Variants in AHI1 observed in about 807,000 individuals in gnomAD.
The protein encoded by AHI1 is Abelson helper integration site 1.
AHI1 carries 123 observed loss-of-function variants against 149.3 expected under a neutral mutation model. The observed-to-expected ratio is 0.82, with a 90% confidence interval of 0.71 to 0.96. AHI1 has a LOEUF of 0.96. AHI1 is among the 40% of genes least tolerant of loss of function. The probability of loss-of-function intolerance (pLI) is 0.00; values close to 1 mark genes in which losing one functional copy is unlikely to be tolerated. For missense variants in AHI1, 1,439 were observed against 1,422.7 expected, an observed-to-expected ratio of 1.01 and a Z score of -0.18; for synonymous variants, 475 against 459.8, an observed-to-expected ratio of 1.03 and a Z score of -0.42.
chr6:135,293,697 A>T (rs1300671905), intron 27 of AHI1, among the ~76,000 whole-genome samples: 1 of 152,236 alleles, frequency 6.6e-6, no homozygotes, highest in Non-Finnish European at 1.5e-5. Flanking sequence ...CTATACATTG[A>T]AAACTAAAAA....
At chr6:135,310,494 T>C (rs1236748115) in intron 26 of AHI1, among the ~76,000 whole-genome samples, 1 of 152,212 alleles carries the variant, frequency 6.6e-6, no homozygotes, top group African/African-American at 2.4e-5. Context: ...AGAAAGCAGC[T>C]GTTCCTGAAA....
intron 8 of AHI1, among the ~76,000 whole-genome samples, 167 bp from the exon 9 acceptor site, chr6:135,457,880 ATAC>A (rs2128082209): frequency 6.6e-6 from 1 of 152,332 alleles, no homozygotes; most frequent in South Asian, 2.1e-4. Flanking sequence ...TGAAAGTAAA[ATAC>A]TACATTTGCT....
chr6:135,451,117 C>A (rs747904643), intron 11 of AHI1, among the ~76,000 whole-genome samples: 7 of 152,120 alleles, frequency 4.6e-5, no homozygotes, highest in African/African-American at 7.2e-5. Flanking sequence ...CCCGCTCAGC[C>A]TCCCGAGTAG....
At position 135,394,820 on chromosome 6, in the gene AHI1, A is replaced by G; in HGVS notation, c.3065T>C (p.Leu1022Pro). Residue 1022 changes from leucine to proline, a missense_variant, in exon 23 of 29, where the codon CTG (leucine) becomes CCG (proline). By Grantham distance (98) the Leu-to-Pro change is moderately conservative. Transcript: ENST00000265602. ...QQSKLKQSNMLTAQEILHQFG... is the reference protein window; with the variant it reads ...QQSKLKQSNMPTAQEILHQFG... ...CTGATGTAGAATCTCTTGAGCGGTC[A>G]GCATGTTTGACTGCTTTAACTTAGA... The G allele has an allele frequency of 6.2e-7, 1 of 1,609,294 alleles. No individual in the cohort carries two copies. Among genetic ancestry groups the G allele is most frequent in the African/African-American group, 1.3e-5 (1 of 74,960 alleles).
At chr6:135,494,009 C>T (rs988782964) in intron 3 of AHI1, among the ~76,000 whole-genome samples, 1 of 152,154 alleles carries the variant, frequency 6.6e-6, no homozygotes, top group African/African-American at 2.4e-5. Flanking sequence ...CACCAGTGCG[C>T]TCCAGGTGAT....
intron 23 of AHI1, among the ~76,000 whole-genome samples, chr6:135,376,860 T>C (rs566179810): frequency 1.9e-5 from 2 of 108,058 alleles, no homozygotes; most frequent in South Asian, 6.5e-4. Flanking sequence ...CCAGCCTCGG[T>C]GACAGAGCGA....
chr6:135,358,670 A>G (rs1793377964), intron 23 of AHI1, among the ~76,000 whole-genome samples: 1 of 152,202 alleles, frequency 6.6e-6, no homozygotes, highest in African/African-American at 2.4e-5. Flanking sequence ...TATTTATTCA[A>G]TCACCATGAG....
chr6:135,449,967 G>A (rs992663243), intron 11 of AHI1, among the ~76,000 whole-genome samples: 2 of 152,166 alleles, frequency 1.3e-5, no homozygotes, highest in African/African-American at 4.8e-5. Flanking sequence ...AATTGAAGTG[G>A]CAGAGAGAGT....
chr6:135,360,094 A>G (rs1488604758), intron 23 of AHI1, among the ~76,000 whole-genome samples: 1 of 152,098 alleles, frequency 6.6e-6, no homozygotes, highest in Non-Finnish European at 1.5e-5. Flanking sequence ...AAAGGAATAA[A>G]CTTTAGAAAA....
chr6:135,376,854 C>T (rs560211287), intron 23 of AHI1, among the ~76,000 whole-genome samples: 1 of 118,370 alleles, frequency 8.4e-6, no homozygotes, highest in African/African-American at 3.3e-5. Flanking sequence ...TGCAATCCAG[C>T]CTCGGTGACA....
chr6:135,412,346 T>A (rs1781728367), intron 20 of AHI1, among the ~76,000 whole-genome samples: 1 of 152,186 alleles, frequency 6.6e-6, no homozygotes, highest in African/African-American at 2.4e-5. Flanking sequence ...ATCCATAGAT[T>A]TTTGGTATCC....
chr6:135,380,775 G>A (rs1776654047), intron 23 of AHI1, among the ~76,000 whole-genome samples: 2 of 128,712 alleles, frequency 1.6e-5, no homozygotes, highest in Admixed American at 1.8e-4. Context: ...AAACAAGAAG[G>A]GATTTAATGG....
intron 23 of AHI1, among the ~76,000 whole-genome samples, chr6:135,381,148 G>A (rs1414367041): frequency 6.6e-6 from 1 of 151,774 alleles, no homozygotes; most frequent in African/African-American, 2.4e-5. Context: ...TAAAAAGACT[G>A]AGATAACATT....
chr6:135,441,727 C>T (rs2614273), intron 14 of AHI1, among the ~76,000 whole-genome samples: 119,007 of 152,142 alleles, frequency 0.78, 49,994 homozygotes, highest in Non-Finnish European at 0.91. Context: ...TTCCTAAGAA[C>T]CTTTTTTCCC....
intron 24 of AHI1, among the ~76,000 whole-genome samples, chr6:135,340,326 C>T (rs570152665): frequency 4.4e-4 from 66 of 151,620 alleles, no homozygotes; most frequent in African/African-American, 1.3e-3. Flanking sequence ...AAGCTGAGAT[C>T]GCACCGTGCA....
chr6:135,483,361 A>C (rs1794012280), intron 5 of AHI1, among the ~76,000 whole-genome samples: 1 of 152,228 alleles, frequency 6.6e-6, no homozygotes, highest in African/African-American at 2.4e-5. Context: ...GGAAACCATG[A>C]AGATTTTCTA....
chr6:135,373,079 CT>C (rs1775304859), intron 23 of AHI1, among the ~76,000 whole-genome samples: 1 of 152,230 alleles, frequency 6.6e-6, no homozygotes, highest in Non-Finnish European at 1.5e-5. Context: ...CGTACTAGGA[CT>C]GTTTTAAAAA....
At chr6:135,350,323 T>C (rs1021428565) in intron 24 of AHI1, among the ~76,000 whole-genome samples, 9 of 152,168 alleles carry the variant, frequency 5.9e-5, no homozygotes, top group Non-Finnish European at 1.0e-4. Context: ...GTTTCCGAGA[T>C]GCTACATTAT....
At chr6:135,317,514 C>T (rs1029527310) in intron 26 of AHI1, among the ~76,000 whole-genome samples, 1 of 150,068 alleles carries the variant, frequency 6.7e-6, no homozygotes, top group Non-Finnish European at 1.5e-5. Flanking sequence ...TCATGGACTC[C>T]CCCAGGGTAT....
Sources: allele counts gnomAD v4.1 joint callset (sites outside exome capture counted in the v4.1 genomes callset), GRCh38; gene constraint gnomAD v4.1.1; transcripts MANE v1.5; gene names NCBI Gene and HGNC (gene_info 2026-07-23, HGNC 2026-07-21).